PLEKHH1: variants seen among roughly 807,000 people sequenced by gnomAD.
PLEKHH1 encodes the protein pleckstrin homology domain-containing family H member 1.
Under a neutral mutation model 160.0 loss-of-function variants are expected in PLEKHH1, and 104 were observed. The ratio of observed to expected loss-of-function variants is 0.65; its 90% CI spans 0.55 to 0.76. PLEKHH1 has a LOEUF of 0.76. PLEKHH1 is among the 30% of genes least tolerant of loss of function. The pLI is 0.00. For synonymous variants in PLEKHH1, 619 were observed against 678.4 expected (o/e 0.91, Z 1.36); for missense variants, 1,427 against 1,724.1 (o/e 0.83, Z 3.05).
chr14:67,550,646 C>A (rs2034361136), intron 2 of PLEKHH1, among the ~76,000 whole-genome samples: 2 of 152,124 alleles, frequency 1.3e-5, no homozygotes, highest in Non-Finnish European at 2.9e-5. Context: ...CCACTTACTG[C>A]TATAGAAAAT....
rs1184616977 is a variant in PLEKHH1, at chr14:67,582,487, C to T, written c.3426+277C>T. Among the ~76,000 whole-genome samples the T allele has an allele frequency of 3.3e-5, 5 of 152,126 alleles. No homozygotes were observed. The highest frequency in any genetic ancestry group is 1.2e-4 in the African/African-American group (5 of 41,430). On this transcript the variant is annotated intron_variant, in intron 24 of 28. Transcript: ENST00000329153. This position sits in a 1 kb window ranked among gnomAD's most constrained non-coding sequence, Gnocchi z 5.0. ...ATGAGGTCTTAGCCAAGTCACTTCA[C>T]TTCTCTATGCTTTAGTTTCCTTCTC...
At position 67,579,155 on chromosome 14, in the gene PLEKHH1, C is replaced by T. The variant is rs1275760852; in HGVS notation, c.2871C>T (p.Ala957=). ...TTAGAAGTGAAACTGGCCAGTATGCCACCTACTGCCAGCGGGCAGTGGAGC... is the reference window on the plus strand; with the variant it reads ...TTAGAAGTGAAACTGGCCAGTATGCTACCTACTGCCAGCGGGCAGTGGAGC... ...ADPRSETGQY[A]TYCQRAVERT... is the part of the protein sequence containing the mutation. The change falls in exon 21 of 29, where the codon GCC becomes GCT. Residue 957 remains alanine (A), a synonymous_variant. Coordinates refer to ENST00000329153, the MANE Select transcript of PLEKHH1 (RefSeq NM_020715.3). 1 of 1,605,696 alleles carries T rather than the reference C, an allele frequency of 6.2e-7. No homozygotes were observed. The highest frequency in any genetic ancestry group is 1.3e-5 in the African/African-American group (1 of 74,530).
intron 7 of PLEKHH1, among the ~76,000 whole-genome samples, chr14:67,567,260 G>A (rs1394363204): frequency 6.6e-6 from 1 of 152,148 alleles, no homozygotes; most frequent in African/African-American, 2.4e-5. Context: ...GGAATGAAAT[G>A]TCAGAGAACA....
At chr14:67,586,806 G>A (rs1204579873) in intron 28 of PLEKHH1, 1 of 1,429,576 alleles carries the variant, frequency 7.0e-7, no homozygotes, top group Non-Finnish European at 9.2e-7. Flanking sequence ...TTCCCTGGTT[G>A]TAGAGCTAAC....
Position 67,588,671 on chromosome 14 carries a change from G to A in PLEKHH1, c.*1436G>A, listed in dbSNP as rs963305780. On this transcript the variant is annotated 3_prime_UTR_variant, in exon 29 of 29. Coordinates refer to ENST00000329153, the MANE Select transcript of PLEKHH1 (RefSeq NM_020715.3). ...GATTTTCCAACATCTAGGAAACTGA[G>A]TTTTATTTCCTAGCTCTAAGGCAGC... 1 of 152,358 alleles carries A rather than the reference G, an allele frequency of 6.6e-6. No homozygotes were observed. Among genetic ancestry groups the A allele is most frequent in the African/African-American group, 2.4e-5 (1 of 41,432 alleles). The allele number at this position is 152,358 out of a possible 1,614,324, so 9.4% of individuals were successfully genotyped here.
rs1227101721 is a variant in PLEKHH1 at position 67,574,275 on chromosome 14, G to A, written c.1960G>A (p.Ala654Thr). The A allele has an allele frequency of 6.2e-7, 1 of 1,608,726 alleles. No homozygotes were observed. The highest frequency in any genetic ancestry group is 1.7e-5 in the Admixed American group (1 of 59,316). The change falls in exon 14 of 29, where the codon GCC (alanine) becomes ACC (threonine). Residue 654 changes from alanine (A) to threonine (T), a missense_variant. Ala to Thr is a moderately conservative substitution (Grantham distance 58). Coordinates refer to ENST00000329153, the MANE Select transcript of PLEKHH1 (RefSeq NM_020715.3). The surrounding 1 kb of genome is among the most constrained non-coding windows in gnomAD (Gnocchi z 4.2). ...ISEKKTYYLT[A>T]DSPSLLEEWI... ...TGAGAAGAAAACCTACTACCTGACG[G>A]CCGATTCACCCAGCCTGCTGGAGGA...
In PLEKHH1 at chr14:67,579,748, G is replaced by A; in HGVS notation, c.3055G>A (p.Val1019Ile). 1 of 1,612,894 alleles carries A rather than the reference G, an allele frequency of 6.2e-7. No individual in the cohort carries two copies. The highest frequency in any genetic ancestry group is 8.5e-7 in the Non-Finnish European group (1 of 1,179,510). ...GGTTGGTTTTGACGGCTCTTCCACG[G>A]TTGATGAGTTCCTCCAGCGGCTGAA... ...HVVGFDGSSTVDEFLQRLNQE... is the reference protein window; with the variant it reads ...HVVGFDGSSTIDEFLQRLNQE... Residue 1019 changes from valine to isoleucine, a missense_variant, in exon 22 of 29, where the codon GTT becomes ATT. Physicochemically the swap from Val to Ile is conservative, Grantham distance 29 (BLOSUM62 3). This residue lies in a region of PLEKHH1 where 436 missense variants were observed against 607.5 expected (regional missense o/e 0.72). Transcript: ENST00000329153.
At chr14:67,561,814 G>T in intron 5 of PLEKHH1, 140 bp from the exon 6 acceptor site, 1 of 666,908 alleles carries the variant, frequency 1.5e-6, no homozygotes. Flanking sequence ...AGGCTGCAGT[G>T]AGCCAAAATT....
chr14:67,557,338 C>G lies in PLEKHH1; in HGVS notation c.259C>G (p.Arg87Gly). 3 of 1,613,712 alleles carry G rather than the reference C, an allele frequency of 1.9e-6. No individual in the cohort carries two copies. The highest frequency in any genetic ancestry group is 2.5e-6 in the Non-Finnish European group (3 of 1,179,632). The change falls in exon 4 of 29, where the codon CGG (arginine) becomes GGG (glycine). Residue 87 changes from arginine to glycine, a missense_variant. By Grantham distance (125) the Arg-to-Gly change is moderately radical. Transcript: ENST00000329153. Reference protein sequence around the residue: ...KNVDSEGSLHRKYQELLKAIK... With the variant: ...KNVDSEGSLHGKYQELLKAIK... ...TGTGGACTCTGAGGGGAGCCTGCAC[C>G]GGAAATACCAAGAATTGCTGAAAGC... is the stretch of plus-strand genomic sequence containing the variant.
At chr14:67,542,346 C>A (rs1359669574) in intron 2 of PLEKHH1, among the ~76,000 whole-genome samples, 1 of 152,174 alleles carries the variant, frequency 6.6e-6, no homozygotes, top group African/African-American at 2.4e-5. Context: ...ACAGAAATCT[C>A]TACCCTTCCT....
chr14:67,555,405 G>C (rs543391643), intron 2 of PLEKHH1, among the ~76,000 whole-genome samples: 1 of 152,162 alleles, frequency 6.6e-6, no homozygotes, highest in Non-Finnish European at 1.5e-5. Context: ...GTTTTCTATC[G>C]ATGACACAGG....
chr14:67,585,372 C>G, intron 26 of PLEKHH1, 196 bp from the exon 27 acceptor site: 1 of 563,364 alleles, frequency 1.8e-6, no homozygotes, highest in Non-Finnish European at 3.2e-6. Context: ...AGCCCCAAGG[C>G]CAAGGGTCTC....
chr14:67,555,508 G>A (rs1297386414), intron 2 of PLEKHH1, among the ~76,000 whole-genome samples: 3 of 152,148 alleles, frequency 2.0e-5, no homozygotes, highest in Non-Finnish European at 4.4e-5. Flanking sequence ...GCCAGGACAG[G>A]GTGGGATGCT....
intron 9 of PLEKHH1, 137 bp from the exon 10 acceptor site, chr14:67,571,615 C>CT: frequency 1.3e-6 from 1 of 773,874 alleles, no homozygotes; most frequent in East Asian, 2.6e-5. Context: ...GGACCTTACA[C>CT]TGGACAGTTG....
rs75288035 is a variant in PLEKHH1, at chr14:67,583,774, C to T, written c.3460C>T (p.Pro1154Ser). Residue 1154 changes from proline (P) to serine (S), a missense_variant, in exon 25 of 29, where the codon CCA becomes TCA. By Grantham distance (74) the Pro-to-Ser change is moderately conservative. This residue lies in a region of PLEKHH1 where 436 missense variants were observed against 607.5 expected (regional missense o/e 0.72). Coordinates refer to ENST00000329153, the MANE Select transcript of PLEKHH1 (RefSeq NM_020715.3). ...EYGDLEKPAL[P>S]GPGGTSPAKA... The stretch of plus-strand genomic sequence containing the variant: ...TGGGGACTTGGAGAAGCCTGCCCTG[C>T]CAGGCCCTGGAGGCACATCCCCTGC... 3,246 of 1,612,086 alleles carry T rather than the reference C, an allele frequency of 2.0e-3. 42 individuals are homozygous for T. In the African/African-American group the frequency reaches 0.031, roughly 15 times the overall value.
In PLEKHH1 at chr14:67,587,090, T is replaced by G. The variant is rs118013098; in HGVS notation, c.3950T>G (p.Phe1317Cys). ...MAAPKIAEAT[F>C]IMASYMNHCT... ...TCCTCTTAGATTGCAGAAGCTACCT[T>G]CATCATGGCCAGCTATATGAACCAT... Residue 1317 changes from phenylalanine (F) to cysteine (C), a missense_variant, in exon 29 of 29, where the codon TTC (phenylalanine) becomes TGC (cysteine). Phe to Cys is a radical substitution (Grantham distance 205, BLOSUM62 -2). Transcript: ENST00000329153. 4.0e-3 allele frequency: 6,437 copies of G among 1,609,916 alleles called. 23 individuals carry two copies. Among genetic ancestry groups the G allele is most frequent in the Non-Finnish European group, 4.8e-3 (5,667 of 1,177,806 alleles).
At chr14:67,539,458 G>A (rs117465954) in intron 1 of PLEKHH1, among the ~76,000 whole-genome samples, 1,911 of 152,182 alleles carry the variant, frequency 0.013, 17 homozygotes, top group Non-Finnish European at 0.018. Flanking sequence ...TTTAATTGTT[G>A]GGCCTTTCTC....
At chr14:67,585,426 A>G (rs1474625472) in intron 26 of PLEKHH1, 142 bp from the exon 27 acceptor site, 7 of 653,266 alleles carry the variant, frequency 1.1e-5, no homozygotes, top group Admixed American at 7.6e-5. Flanking sequence ...CACTGTACAA[A>G]TATCATCTTT....
Position 67,576,690 on chromosome 14 carries a change from C to T in PLEKHH1, c.2461+187C>T, listed in dbSNP as rs1317642642. Reference sequence around the variant, plus strand: ...CGGCTGAGATACTAAGGTGACCACTCTGCATCTGGGGGAGTTTATCTGGGA... The same window carrying T: ...CGGCTGAGATACTAAGGTGACCACTTTGCATCTGGGGGAGTTTATCTGGGA... On this transcript the variant is annotated intron_variant, in intron 17 of 28. Coordinates refer to ENST00000329153, the MANE Select transcript of PLEKHH1 (RefSeq NM_020715.3). This position sits in a 1 kb window ranked among gnomAD's most constrained non-coding sequence, Gnocchi z 4.0. Among the ~76,000 whole-genome samples the T allele has an allele frequency of 6.6e-6, 1 of 152,212 alleles. No homozygotes were observed. The highest frequency in any genetic ancestry group is 1.5e-5 in the Non-Finnish European group (1 of 68,040).
Sources: allele counts gnomAD v4.1 joint callset (sites outside exome capture counted in the v4.1 genomes callset), GRCh38; gene constraint gnomAD v4.1.1; regional missense constraint gnomAD v4.1.1; non-coding constraint Gnocchi (gnomAD v3.1); transcripts MANE v1.5; gene names NCBI Gene and HGNC (gene_info 2026-07-23, HGNC 2026-07-21).